The following PCDHGA8 variants were observed in gnomAD, a reference collection of about 807,000 sequenced individuals.
PCDHGA8 encodes protocadherin gamma subfamily A, 8.
Under a neutral mutation model 59.2 loss-of-function variants are expected in PCDHGA8, and 45 were observed. The ratio of observed to expected loss-of-function variants is 0.76; its 90% confidence interval spans 0.60 to 0.98. PCDHGA8 has a LOEUF of 0.98. Ranked by LOEUF, PCDHGA8 falls within the 50% of genes least tolerant of loss-of-function variation. The probability of loss-of-function intolerance (pLI) is 0.00; values close to 1 mark genes in which losing one functional copy is unlikely to be tolerated. For missense variants in PCDHGA8, 1,257 were observed against 1,196.2 expected, an observed-to-expected ratio of 1.05 and a Z score of -0.75; for synonymous variants, 531 against 519.0, an observed-to-expected ratio of 1.02 and a Z score of -0.32.
At chr5:141,450,831 T>TATA (rs761717068) in intron 1 of PCDHGA8, among the ~76,000 whole-genome samples, 3 of 144,648 alleles carry the variant, frequency 2.1e-5, no homozygotes, top group Non-Finnish European at 4.5e-5. Flanking sequence ...TTATTATTAT[T>TATA]TTTTTTTTTT....
intron 1 of PCDHGA8, among the ~76,000 whole-genome samples, chr5:141,455,322 G>A (rs376682363): frequency 1.3e-5 from 2 of 152,134 alleles, no homozygotes; most frequent in East Asian, 3.9e-4. Context: ...TTTTGTGTGT[G>A]TGTTTGTGGT....
At chr5:141,455,860 A>ATTAT (rs145569377) in intron 1 of PCDHGA8, among the ~76,000 whole-genome samples, 7,190 of 139,786 alleles carry the variant, frequency 0.051, 228 homozygotes, top group South Asian at 0.064. Context: ...AATTTCTTTT[A>ATTAT]TTATTTATTT....
Position 141,456,380 on chromosome 5 carries a change from C to T in PCDHGA8, c.2425-38427C>T, listed in dbSNP as rs186993611. ...CCATGTGTGGTTCAGTTTACAGCAC[C>T]GTTTGGAGTTTGATTGCTTCTAGGC... is the stretch of plus-strand genomic sequence containing the variant. On this transcript the variant is annotated intron_variant, in intron 1 of 3. Coordinates refer to ENST00000398604, the MANE Select transcript of PCDHGA8 (RefSeq NM_032088.2). Among the ~76,000 whole-genome samples, 427 of 152,082 alleles carry T rather than the reference C, an allele frequency of 2.8e-3. 1 individual carries two copies. Among genetic ancestry groups the T allele is most frequent in the Non-Finnish European group, 2.7e-3 (184 of 68,004 alleles).
chr5:141,473,665 T>C (rs1054239218), intron 1 of PCDHGA8, among the ~76,000 whole-genome samples: 1 of 152,142 alleles, frequency 6.6e-6, no homozygotes, highest in Non-Finnish European at 1.5e-5. Context: ...GTGAAGGCCC[T>C]GAGACAGGGA....
In PCDHGA8 at chr5:141,488,566, A is replaced by T. The variant is rs1354931497; in HGVS notation, c.2425-6241A>T. On this transcript the variant is annotated intron_variant, in intron 1 of 3. Coordinates refer to ENST00000398604, the MANE Select transcript of PCDHGA8 (RefSeq NM_032088.2). ...TGTCAGCTGACATTGAGATTTCCGC[A>T]AAGCATTGCTGGAGAGTCAGGGCAA... 5.9e-5 allele frequency among the ~76,000 whole-genome samples: 9 copies of T among 152,324 alleles called. No individual in the cohort carries two copies. In the East Asian group the frequency reaches 1.5e-3, roughly 26 times the overall value.
In PCDHGA8 at chr5:141,431,202, C is replaced by T. The variant is rs2097350864; in HGVS notation, c.2424+35965C>T. The stretch of plus-strand genomic sequence containing the variant: ...ATAAAAATTAGTGAAAATGCAGCCA[C>T]TGAGATGCGGTTCCCTCTACCCCAC... On this transcript the variant is annotated intron_variant, in intron 1 of 3. Coordinates refer to ENST00000398604, the MANE Select transcript of PCDHGA8 (RefSeq NM_032088.2). The surrounding 1 kb of genome is among the most constrained non-coding windows in gnomAD (Gnocchi z 4.8). 6.2e-7 allele frequency: 1 copy of T among 1,614,204 alleles called. No individual in the cohort carries two copies. Among genetic ancestry groups the T allele is most frequent in the Non-Finnish European group, 8.5e-7 (1 of 1,180,052 alleles).
At chr5:141,429,571 A>G (rs1221285032) in intron 1 of PCDHGA8, among the ~76,000 whole-genome samples, 2 of 152,156 alleles carry the variant, frequency 1.3e-5, no homozygotes, top group Non-Finnish European at 2.9e-5. Flanking sequence ...ATTCAGTTAC[A>G]TTTACTTTTG....
At chr5:141,419,789 G>A (rs758649709) in intron 1 of PCDHGA8, 2 of 1,614,068 alleles carry the variant, frequency 1.2e-6, no homozygotes, top group South Asian at 2.2e-5. Context: ...GCGCCTGCTA[G>A]TCGCTGTAAG....
intron 2 of PCDHGA8, among the ~76,000 whole-genome samples, chr5:141,498,573 A>G (rs7725519): frequency 0.52 from 78,890 of 151,684 alleles, 21,175 homozygotes; most frequent in African/African-American, 0.65. Flanking sequence ...CAGGGCTAGT[A>G]TTGAGTTCTT....
Position 141,477,983 on chromosome 5 carries a change from C to T in PCDHGA8, c.2425-16824C>T. 1 of 1,614,126 alleles carries T rather than the reference C, an allele frequency of 6.2e-7. No individual in the cohort carries two copies. Among genetic ancestry groups the T allele is most frequent in the Non-Finnish European group, 8.5e-7 (1 of 1,180,024 alleles). ...TAACCAGAGCCTTTTTGCCATAGGGCTGCACACTGGTCAAATCAGTACTGC... is the reference window on the plus strand; with the variant it reads ...TAACCAGAGCCTTTTTGCCATAGGGTTGCACACTGGTCAAATCAGTACTGC... On this transcript the variant is annotated intron_variant, in intron 1 of 3. Coordinates refer to ENST00000398604, the MANE Select transcript of PCDHGA8 (RefSeq NM_032088.2). The surrounding 1 kb of genome is among the most constrained non-coding windows in gnomAD (Gnocchi z 4.9).
intron 2 of PCDHGA8, 70 bp downstream of exon 2, chr5:141,494,935 G>T (rs1456805368): frequency 2.5e-6 from 4 of 1,612,364 alleles, no homozygotes; most frequent in African/African-American, 1.3e-5. Context: ...GGGAGGAGAT[G>T]GGGGAGGGCC....
intron 3 of PCDHGA8, among the ~76,000 whole-genome samples, chr5:141,506,781 T>C (rs965408564): frequency 1.4e-4 from 22 of 152,168 alleles, no homozygotes; most frequent in African/African-American, 5.3e-4. Context: ...CCTGGGCTTA[T>C]AAGGAGGCTG....
At chr5:141,502,035 G>C (rs1371892057) in intron 2 of PCDHGA8, among the ~76,000 whole-genome samples, 1 of 152,078 alleles carries the variant, frequency 6.6e-6, no homozygotes, top group Non-Finnish European at 1.5e-5. Context: ...CCCGCCGCTT[G>C]CCTGCTCTCC....
chr5:141,413,224 C>G, intron 1 of PCDHGA8: 1 of 1,613,790 alleles, frequency 6.2e-7, no homozygotes, highest in Non-Finnish European at 8.5e-7. Context: ...TTGCAGCGGG[C>G]TGGTCCTGCT....
chr5:141,432,707 G>T lies in PCDHGA8; in HGVS notation c.2424+37470G>T. The T allele has an allele frequency of 6.2e-7, 1 of 1,613,988 alleles. No homozygotes were observed. The highest frequency in any genetic ancestry group is 1.1e-5 in the South Asian group (1 of 91,080). ...CCTCGTAGTGGCCGTCCAGGACCAC[G>T]GCCAGCCCCCTCTCTCCGCCACTGT... On this transcript the variant is annotated intron_variant, in intron 1 of 3. Transcript: ENST00000398604. The surrounding 1 kb of genome is among the most constrained non-coding windows in gnomAD (Gnocchi z 6.0).
intron 1 of PCDHGA8, chr5:141,468,629 G>A (rs1170355107): frequency 1.3e-5 from 2 of 152,140 alleles, no homozygotes; most frequent in African/African-American, 4.8e-5. Flanking sequence ...CACTTTGGGA[G>A]GCCGAGGTGG....
intron 1 of PCDHGA8, chr5:141,422,319 TAC>T: frequency 6.5e-7 from 1 of 1,548,220 alleles, no homozygotes; most frequent in Admixed American, 2.1e-5. Flanking sequence ...CTCCTCCAGG[TAC>T]AGTGATTGCT....
At chr5:141,399,856 G>A (rs1391939612) in intron 1 of PCDHGA8, 1 of 1,612,894 alleles carries the variant, frequency 6.2e-7, no homozygotes, top group Non-Finnish European at 8.5e-7. Flanking sequence ...GGTGCCGCGC[G>A]CTGCAGAGCC....
intron 1 of PCDHGA8, among the ~76,000 whole-genome samples, chr5:141,402,165 T>A (rs1200714000): frequency 6.6e-6 from 1 of 152,164 alleles, no homozygotes; most frequent in Non-Finnish European, 1.5e-5. Context: ...GGCGAGAACA[T>A]CTGTAACTAT....
Sources: allele counts gnomAD v4.1 joint callset (sites outside exome capture counted in the v4.1 genomes callset), GRCh38; gene constraint gnomAD v4.1.1; non-coding constraint Gnocchi (gnomAD v3.1); transcripts MANE v1.5; gene names NCBI Gene and HGNC (gene_info 2026-07-23, HGNC 2026-07-21).